NCAPD2: variants seen among roughly 807,000 people sequenced by gnomAD.
NCAPD2 encodes non-SMC condensin I complex subunit D2.
Under a neutral mutation model 164.5 loss-of-function variants are expected in NCAPD2, and 100 were observed. The ratio of observed to expected loss-of-function variants is 0.61; its 90% CI spans 0.52 to 0.72. The LOEUF (loss-of-function observed/expected upper bound fraction) is 0.72, where lower values mean the gene tolerates loss of function less well. NCAPD2 is among the 30% of genes least tolerant of loss of function. NCAPD2 has a pLI of 0.00. For missense variants in NCAPD2, 1,560 were observed against 1,749.2 expected (o/e 0.89, Z 1.93); for synonymous variants, 585 against 642.6 (o/e 0.91, Z 1.36).
At chr12:6,516,044 A>T (rs1223472848) in intron 9 of NCAPD2, among the ~76,000 whole-genome samples, 1 of 151,424 alleles carries the variant, frequency 6.6e-6, no homozygotes, top group Non-Finnish European at 1.5e-5. Context: ...ATACAAAAAA[A>T]AATTAGCTGG....
intron 17 of NCAPD2, 49 bp downstream of exon 17, chr12:6,523,395 G>GTTTTTT (rs764714038): frequency 5.9e-4 from 512 of 862,786 alleles, no homozygotes; most frequent in African/African-American, 7.9e-4. Context: ...AAGTATTTTG[G>GTTTTTT]TTGTTTTTTT....
chr12:6,519,168 G>A (rs1237578547), intron 13 of NCAPD2, among the ~76,000 whole-genome samples: 1 of 152,200 alleles, frequency 6.6e-6, no homozygotes, highest in African/African-American at 2.4e-5. Flanking sequence ...GGGATTACAG[G>A]CTTGAGCCAC....
chr12:6,515,194 AT>A (rs959106163), intron 9 of NCAPD2, among the ~76,000 whole-genome samples: 34 of 145,956 alleles, frequency 2.3e-4, no homozygotes, highest in Non-Finnish European at 2.3e-4. Context: ...CTCAGCTTTG[AT>A]TTTTTTTTTT....
chr12:6,526,293 C>T lies in NCAPD2; in HGVS notation c.2488C>T (p.Leu830=). 4 of 1,614,210 alleles carry T rather than the reference C, an allele frequency of 2.5e-6. No individual in the cohort carries two copies. In the East Asian group the frequency reaches 8.9e-5, roughly 36 times the overall value. The change falls in exon 20 of 32, where the codon CTG becomes TTG. Residue 830 remains leucine, a synonymous_variant. Transcript: ENST00000315579. ...ANISDRRKPS[L]GKRHPPFRLP... ...GTTGTCTTGCTCTCCACAGCCTTCT[C>T]TGGGCAAACGTCACCCCCCCTTCCG...
intron 13 of NCAPD2, 47 bp downstream of exon 13, chr12:6,518,006 G>GAAAC: frequency 6.3e-7 from 1 of 1,575,166 alleles, no homozygotes. Context: ...TATGTTTAGA[G>GAAAC]TTAACCTTTG....
At position 6,528,712 on chromosome 12, in the gene NCAPD2, A is replaced by C. The variant is rs1394455076; in HGVS notation, c.3333A>C (p.Thr1111=). ...LRDPAQQVRK[T]AGLVMTHLIL... is the part of the protein sequence containing the mutation. ...ACCCTGCTCAGCAAGTGCGGAAAAC[A>C]GCGGGGCTGGTGATGACCCACCTGA... is the stretch of plus-strand genomic sequence containing the variant. Residue 1111 remains threonine, a synonymous_variant, in exon 26 of 32, where the codon ACA becomes ACC. Transcript: ENST00000315579. This position sits in a 1 kb window ranked among gnomAD's most constrained non-coding sequence, Gnocchi z 5.1. 4 of 1,613,760 alleles carry C rather than the reference A, an allele frequency of 2.5e-6. No homozygotes were observed. The highest frequency in any genetic ancestry group is 3.4e-6 in the Non-Finnish European group (4 of 1,179,800).
intron 13 of NCAPD2, 115 bp downstream of exon 13, chr12:6,518,074 T>A: frequency 1.0e-6 from 1 of 966,116 alleles, no homozygotes. Context: ...TGCCACCAGG[T>A]GATGGTAGAT....
chr12:6,512,293 A>T (rs2137048085), intron 6 of NCAPD2, among the ~76,000 whole-genome samples: 1 of 137,896 alleles, frequency 7.3e-6, no homozygotes. Flanking sequence ...AAAAAAAAAA[A>T]GATAGATAGA....
At chr12:6,516,427 G>A (rs559600790) in intron 9 of NCAPD2, among the ~76,000 whole-genome samples, 3 of 152,162 alleles carry the variant, frequency 2.0e-5, no homozygotes, top group South Asian at 4.2e-4. Flanking sequence ...ACTTGAACCC[G>A]GGAGTCAGAG....
rs754775056 is a variant in NCAPD2 at position 6,495,062 on chromosome 12, T to C, written c.-23-14T>C. On this transcript the variant is annotated splice_polypyrimidine_tract_variant and intron_variant, in intron 1 of 31. Transcript: ENST00000315579. Reference sequence around the variant, plus strand: ...TGAATATAGACCCTGACTTTTTCACTGTTTGGTTTCTAGCCCTGTGAGCCT... The same window carrying C: ...TGAATATAGACCCTGACTTTTTCACCGTTTGGTTTCTAGCCCTGTGAGCCT... 2.5e-6 allele frequency: 4 copies of C among 1,612,800 alleles called. No homozygotes were observed. Among genetic ancestry groups the C allele is most frequent in the South Asian group, 2.2e-5 (2 of 90,968 alleles).
In NCAPD2 at chr12:6,531,536, T is replaced by C; in HGVS notation, c.*124T>C. On this transcript the variant is annotated 3_prime_UTR_variant, in exon 32 of 32. Coordinates refer to ENST00000315579, the MANE Select transcript of NCAPD2 (RefSeq NM_014865.4). The surrounding 1 kb of genome is among the most constrained non-coding windows in gnomAD (Gnocchi z 4.1). ...TAAAAAAAAAAAAGGCCGGGCACTGTGGCTCACGCCTGTAATCCCAGCACT... is the reference window on the plus strand; with the variant it reads ...TAAAAAAAAAAAAGGCCGGGCACTGCGGCTCACGCCTGTAATCCCAGCACT... 6.6e-7 allele frequency: 1 copy of C among 1,515,824 alleles called. No individual in the cohort carries two copies. Among genetic ancestry groups the C allele is most frequent in the South Asian group, 1.2e-5 (1 of 81,932 alleles). 93.9% of individuals were successfully genotyped at this position (1,515,824 alleles called of 1,614,324 possible). A position where few individuals can be genotyped will look rare whatever the true frequency, so the allele number is the denominator to read the frequency against.
chr12:6,495,586 TG>T (rs1233600521), intron 2 of NCAPD2, among the ~76,000 whole-genome samples: 1 of 152,232 alleles, frequency 6.6e-6, no homozygotes, highest in East Asian at 1.9e-4. Context: ...GACCTGTTTT[TG>T]GTAATACCTT....
At chr12:6,525,438 T>C (rs918041739) in intron 17 of NCAPD2, 145 bp from the exon 18 acceptor site, 2 of 889,788 alleles carry the variant, frequency 2.2e-6, no homozygotes, top group East Asian at 2.5e-5. Flanking sequence ...GACCCTGCTG[T>C]ACATTTTGAA....
rs201164765 is a variant in NCAPD2, at chr12:6,514,386, A to G, written c.709A>G (p.Met237Val). ...TGTAGCCTTGACCCGTTATAACCAT[A>G]TGCTCAGTAAGTTACCAGTCGCTTT... ...LGVALTRYNH[M>V]LSATVKIIQM... Residue 237 changes from methionine to valine, a missense_variant, in exon 7 of 32, where the codon ATG (methionine) becomes GTG (valine). Met to Val is a conservative substitution (Grantham distance 21). Transcript: ENST00000315579. 6.2e-7 allele frequency: 1 copy of G among 1,614,170 alleles called. No homozygotes were observed. The highest frequency in any genetic ancestry group is 1.1e-5 in the South Asian group (1 of 91,080).
chr12:6,526,050 G>C lies in NCAPD2; in HGVS notation c.2349-18G>C, dbSNP rs777540369. Reference sequence around the variant, plus strand: ...CCAATCCATGACTGCCTTTAACTCTGTGGCTTCCTTCCCCTAGAGGAAAGC... The same window carrying C: ...CCAATCCATGACTGCCTTTAACTCTCTGGCTTCCTTCCCCTAGAGGAAAGC... On this transcript the variant is annotated intron_variant, in intron 18 of 31. Coordinates refer to ENST00000315579, the MANE Select transcript of NCAPD2 (RefSeq NM_014865.4). 6.2e-7 allele frequency: 1 copy of C among 1,612,726 alleles called. No homozygotes were observed. Among genetic ancestry groups the C allele is most frequent in the Non-Finnish European group, 8.5e-7 (1 of 1,179,780 alleles).
At chr12:6,496,339 C>T (rs897790262) in intron 2 of NCAPD2, among the ~76,000 whole-genome samples, 8 of 152,122 alleles carry the variant, frequency 5.3e-5, no homozygotes, top group African/African-American at 1.7e-4. Flanking sequence ...GGATTATAGG[C>T]GTGAGCCACT....
chr12:6,528,306 T>C lies in NCAPD2; in HGVS notation c.3277T>C (p.Trp1093Arg). 6 of 1,613,818 alleles carry C rather than the reference T, an allele frequency of 3.7e-6. No individual in the cohort carries two copies. Among genetic ancestry groups the C allele is most frequent in the African/African-American group, 1.3e-5 (1 of 75,056 alleles). The part of the protein sequence containing the change: ...AIRFPNLVDP[W>R]TPHLYARLRD... ...CCGCTTTCCCAATCTGGTGGACCCCTGGACTCCTCATCTGTATGCTCGGTA... is the reference window on the plus strand; with the variant it reads ...CCGCTTTCCCAATCTGGTGGACCCCCGGACTCCTCATCTGTATGCTCGGTA... Residue 1093 changes from tryptophan to arginine, a missense_variant, in exon 25 of 32, where the codon TGG (tryptophan) becomes CGG (arginine). Transcript: ENST00000315579. The surrounding 1 kb of genome is among the most constrained non-coding windows in gnomAD (Gnocchi z 5.1).
At position 6,507,463 on chromosome 12, in the gene NCAPD2, G is replaced by A. The variant is rs574309408; in HGVS notation, c.128-2254G>A. Among the ~76,000 whole-genome samples, 23 of 152,362 alleles carry A rather than the reference G, an allele frequency of 1.5e-4. No individual in the cohort carries two copies. In the South Asian group the frequency reaches 2.1e-3, roughly 14 times the overall value. On this transcript the variant is annotated intron_variant, in intron 2 of 31. Coordinates refer to ENST00000315579, the MANE Select transcript of NCAPD2 (RefSeq NM_014865.4). ...GAGGGGTGCCTCTCCTTGGCCAGTC[G>A]CCGTGAAAGCACACCTGAACAAAGG...
chr12:6,518,909 G>A (rs1301951067), intron 13 of NCAPD2, among the ~76,000 whole-genome samples: 3 of 148,664 alleles, frequency 2.0e-5, no homozygotes, highest in Non-Finnish European at 4.5e-5. Context: ...TTTTGGAGAC[G>A]GAGTCTTGCT....
Sources: allele counts gnomAD v4.1 joint callset (sites outside exome capture counted in the v4.1 genomes callset), GRCh38; gene constraint gnomAD v4.1.1; non-coding constraint Gnocchi (gnomAD v3.1); transcripts MANE v1.5; gene names NCBI Gene and HGNC (gene_info 2026-07-23, HGNC 2026-07-21).